The following PEPD variants were observed in gnomAD, a reference collection of about 807,000 sequenced individuals.
PEPD encodes xaa-Pro dipeptidase.
PEPD carries 53 observed loss-of-function variants against 60.7 expected under a neutral mutation model. The observed-to-expected ratio is 0.87, with a 90% CI of 0.70 to 1.10. The LOEUF (loss-of-function observed/expected upper bound fraction) is 1.10, where lower values mean the gene tolerates loss of function less well. Among genes scored for constraint, PEPD ranks in the 50% least tolerant of loss-of-function variants. The probability of loss-of-function intolerance (pLI) is 0.00; values close to 1 mark genes in which losing one functional copy is unlikely to be tolerated. For synonymous variants in PEPD, 267 were observed against 284.1 expected (o/e 0.94, Z 0.60); for missense variants, 711 against 711.9 (o/e 1.00, Z 0.01).
rs536800301 is a variant in PEPD at position 33,457,563 on chromosome 19, C to T, written c.671+5432G>A. On this transcript the variant is annotated intron_variant, in intron 9 of 14. Coordinates refer to ENST00000244137, the MANE Select transcript of PEPD (RefSeq NM_000285.4). ...TTGAGATGGAGTCTCGCTCTGTTGC[C>T]CAGGCTGGAATGCAGAGGCTCACTG... Among the ~76,000 whole-genome samples, 19 of 152,304 alleles carry T rather than the reference C, an allele frequency of 1.2e-4. No individual in the cohort carries two copies. In the Middle Eastern group the frequency reaches 0.014, roughly 109 times the overall value.
At chr19:33,483,414 C>A (rs769843476) in intron 6 of PEPD, among the ~76,000 whole-genome samples, 2 of 152,138 alleles carry the variant, frequency 1.3e-5, no homozygotes, top group Non-Finnish European at 2.9e-5. Flanking sequence ...ACAAGAGAAC[C>A]CTGTGTGACA....
rs371155669 is a variant in PEPD at position 33,469,801 on chromosome 19, G to A, written c.549-5739C>T. ...TCCTTGCCTTGGGGGAGGAGGGAAA[G>A]CAGCTTTTGCGTTCTATTTTGAACT... is the stretch of plus-strand genomic sequence containing the variant. On this transcript the variant is annotated intron_variant, in intron 7 of 14. Coordinates refer to ENST00000244137, the MANE Select transcript of PEPD (RefSeq NM_000285.4). 1.9e-4 allele frequency among the ~76,000 whole-genome samples: 29 copies of A among 152,182 alleles called. 1 individual carries two copies. Among genetic ancestry groups the A allele is most frequent in the African/African-American group, 7.0e-4 (29 of 41,520 alleles).
At position 33,465,847 on chromosome 19, in the gene PEPD, TA is replaced by T. The variant is rs1970010282; in HGVS notation, c.549-1786del. Reference sequence around the variant, plus strand: ...TATAGAACCCTACACCCAGACAAACTACTAACCAAATACAGAAGGAAACTAG... The same window carrying T: ...TATAGAACCCTACACCCAGACAAACTCTAACCAAATACAGAAGGAAACTAG... On this transcript the variant is annotated intron_variant, in intron 7 of 14. Coordinates refer to ENST00000244137, the MANE Select transcript of PEPD (RefSeq NM_000285.4). 2.6e-5 allele frequency among the ~76,000 whole-genome samples: 4 copies of T among 152,090 alleles called. No homozygotes were observed. The South Asian group carries it at 8.3e-4, about 32-fold the overall frequency.
chr19:33,474,981 T>TAAA (rs67443412), intron 7 of PEPD, among the ~76,000 whole-genome samples: 2 of 138,588 alleles, frequency 1.4e-5, no homozygotes, highest in African/African-American at 5.4e-5. Context: ...TCCTGTCTCT[T>TAAA]AAAAAAAAAA....
At position 33,405,328 on chromosome 19, in the gene PEPD, T is replaced by C. The variant is rs192692554; in HGVS notation, c.819-3459A>G. ...CAGTTTTCTGGGGGAAATGCTGCAA[T>C]GTTTATATGAGAGCCACTTTGGACT... is the stretch of plus-strand genomic sequence containing the variant. On this transcript the variant is annotated intron_variant, in intron 11 of 14. Coordinates refer to ENST00000244137, the MANE Select transcript of PEPD (RefSeq NM_000285.4). 2.4e-3 allele frequency among the ~76,000 whole-genome samples: 361 copies of C among 152,368 alleles called. 2 individuals are homozygous for C. Among genetic ancestry groups the C allele is most frequent in the Non-Finnish European group, 3.4e-3 (234 of 68,038 alleles).
In PEPD at chr19:33,387,452, A is replaced by C. The variant is rs199999333; in HGVS notation, c.1374T>G (p.Thr458=). The change falls in exon 15 of 15, where the codon ACT becomes ACG. Residue 458 remains threonine (T), a synonymous_variant. Transcript: ENST00000244137. ...AGGTCAGCAGCTCTATGCCGCTGTC[A>C]GTCACCACGACGTCCTCCTCGATGC... ...GVRIEEDVVV[T]DSGIELLTCV... 35 of 1,613,914 alleles carry C rather than the reference A, an allele frequency of 2.2e-5. No individual in the cohort carries two copies. The African/African-American group carries it at 4.4e-4, about 20-fold the overall frequency.
At chr19:33,512,507 C>A in intron 2 of PEPD, 86 bp downstream of exon 2, 1 of 1,343,582 alleles carries the variant, frequency 7.4e-7, no homozygotes, top group Non-Finnish European at 1.1e-6. Flanking sequence ...AGGGGCAGCA[C>A]TGGCCAAGCT....
chr19:33,519,461 C>T (rs1354062884), intron 1 of PEPD, among the ~76,000 whole-genome samples: 2 of 152,218 alleles, frequency 1.3e-5, no homozygotes, highest in Non-Finnish European at 1.5e-5. Flanking sequence ...CGGCAATGGC[C>T]GTGACTTGCT....
At chr19:33,425,129 G>A (rs1450762782) in intron 9 of PEPD, among the ~76,000 whole-genome samples, 2 of 152,158 alleles carry the variant, frequency 1.3e-5, no homozygotes, top group African/African-American at 4.8e-5. Context: ...CAGCACTTTG[G>A]GAGGCCGAGG....
intron 7 of PEPD, among the ~76,000 whole-genome samples, chr19:33,472,161 CAA>C (rs35352427): frequency 0.43 from 54,859 of 126,452 alleles, 10,718 homozygotes; most frequent in African/African-American, 0.51. Context: ...AACTCCATCT[CAA>C]AAAAAAAAAA....
Position 33,429,913 on chromosome 19 carries a change from G to A in PEPD, c.672-16270C>T, listed in dbSNP as rs144897664. 7.6e-4 allele frequency among the ~76,000 whole-genome samples: 116 copies of A among 152,278 alleles called. 1 individual carries two copies. Among genetic ancestry groups the A allele is most frequent in the East Asian group, 4.6e-3 (24 of 5,180 alleles). Reference sequence around the variant, plus strand: ...TAATCAAATCAGCAAAAATAAAGACGGGGTATTACTTTTCCCTAATCAGAA... The same window carrying A: ...TAATCAAATCAGCAAAAATAAAGACAGGGTATTACTTTTCCCTAATCAGAA... On this transcript the variant is annotated intron_variant, in intron 9 of 14. Transcript: ENST00000244137.
intron 9 of PEPD, among the ~76,000 whole-genome samples, chr19:33,458,378 TG>T (rs1969852331): frequency 6.8e-6 from 1 of 147,996 alleles, no homozygotes; most frequent in East Asian, 2.1e-4. Flanking sequence ...TATGTAGGTG[TG>T]TGTGGCAAGT....
At chr19:33,518,995 A>C in intron 1 of PEPD, among the ~76,000 whole-genome samples, 1 of 152,186 alleles carries the variant, frequency 6.6e-6, no homozygotes, top group South Asian at 2.1e-4. Flanking sequence ...TGAGTGTGCA[A>C]GGGAAGAAGG....
chr19:33,428,538 C>G (rs536650517), intron 9 of PEPD, among the ~76,000 whole-genome samples: 1 of 149,922 alleles, frequency 6.7e-6, no homozygotes, highest in South Asian at 2.1e-4. Context: ...TGTCCACGCT[C>G]CACCTCCTGC....
intron 10 of PEPD, among the ~76,000 whole-genome samples, chr19:33,412,423 C>G (rs1367262496): frequency 6.6e-6 from 1 of 152,158 alleles, no homozygotes; most frequent in East Asian, 1.9e-4. Flanking sequence ...CCCTCCTTTC[C>G]TGGTGGCCAA....
intron 12 of PEPD, among the ~76,000 whole-genome samples, chr19:33,394,080 C>T (rs1330584795): frequency 6.6e-6 from 1 of 152,208 alleles, no homozygotes; most frequent in African/African-American, 2.4e-5. Context: ...GGGGGTCTCC[C>T]GAGGGCACCG....
intron 11 of PEPD, among the ~76,000 whole-genome samples, chr19:33,403,947 T>C (rs546065529): frequency 9.2e-5 from 14 of 152,332 alleles, no homozygotes; most frequent in Middle Eastern, 3.4e-3. Context: ...AGTCTACTCC[T>C]GCACAGGGCC....
intron 9 of PEPD, among the ~76,000 whole-genome samples, chr19:33,455,659 C>A (rs1237112551): frequency 6.7e-6 from 1 of 149,746 alleles, no homozygotes; most frequent in African/African-American, 2.5e-5. Context: ...TGCGTCACCA[C>A]ACTCAGCTAA....
At chr19:33,498,658 G>A (rs1265001752) in intron 4 of PEPD, among the ~76,000 whole-genome samples, 1 of 147,496 alleles carries the variant, frequency 6.8e-6, no homozygotes, top group Non-Finnish European at 1.5e-5. Flanking sequence ...AGTCCTGGAG[G>A]CAGGTGCCCA....
Sources: allele counts gnomAD v4.1 joint callset (sites outside exome capture counted in the v4.1 genomes callset), GRCh38; gene constraint gnomAD v4.1.1; transcripts MANE v1.5; gene names NCBI Gene and HGNC (gene_info 2026-07-23, HGNC 2026-07-21).